Variants in RSBN1L observed in about 807,000 individuals in gnomAD.
The protein encoded by RSBN1L is round spermatid basic protein 1 like.
A neutral mutation model predicts 67.7 loss-of-function variants in RSBN1L; 30 were observed. That is an observed-to-expected ratio of 0.44 (90% CI 0.33 to 0.60). The LOEUF is 0.60. Among genes scored for constraint, RSBN1L ranks in the 20% least tolerant of loss-of-function variants. RSBN1L has a pLI of 0.02. For synonymous variants in RSBN1L, 433 were observed against 387.0 expected, an observed-to-expected ratio of 1.12 and a Z score of -1.39; for missense variants, 992 against 1,031.7, an observed-to-expected ratio of 0.96 and a Z score of 0.53.
intron 1 of RSBN1L, among the ~76,000 whole-genome samples, chr7:77,706,098 C>T (rs189217258): frequency 2.3e-4 from 34 of 148,920 alleles, no homozygotes; most frequent in African/African-American, 7.7e-4. Flanking sequence ...TTTTTTGAGA[C>T]GGAATCTTGC....
At chr7:77,762,669 G>A (rs576896906) in intron 3 of RSBN1L, among the ~76,000 whole-genome samples, 28 of 151,948 alleles carry the variant, frequency 1.8e-4, no homozygotes, top group South Asian at 4.1e-4. Context: ...TACCACCCAA[G>A]TTTTACCCAA....
chr7:77,749,398 G>C (rs1234752085), intron 2 of RSBN1L, 26 bp from the exon 3 acceptor site: 13 of 1,481,384 alleles, frequency 8.8e-6, no homozygotes, highest in African/African-American at 2.9e-5. Flanking sequence ...AAAATATGGA[G>C]TTTCAAAAAA....
chr7:77,764,728 G>T (rs956219791), intron 3 of RSBN1L, among the ~76,000 whole-genome samples: 5 of 151,676 alleles, frequency 3.3e-5, no homozygotes, highest in African/African-American at 1.2e-4. Flanking sequence ...CCAGGTTCAC[G>T]CCATTCTCCT....
intron 1 of RSBN1L, among the ~76,000 whole-genome samples, chr7:77,702,720 A>G (rs1790834937): frequency 6.6e-6 from 1 of 152,108 alleles, no homozygotes. Flanking sequence ...TAATTTTTTT[A>G]TAATTCTGGT....
chr7:77,716,388 C>T (rs965325643), intron 1 of RSBN1L, among the ~76,000 whole-genome samples: 2 of 149,578 alleles, frequency 1.3e-5, no homozygotes, highest in Admixed American at 6.7e-5. Flanking sequence ...TGTGGTGGTG[C>T]GATCATGGCT....
In RSBN1L at chr7:77,723,037, G is replaced by A. The variant is rs527596320; in HGVS notation, c.587-13373G>A. Among the ~76,000 whole-genome samples the A allele has an allele frequency of 6.8e-5, 10 of 147,304 alleles. No homozygotes were observed. The East Asian group carries it at 1.8e-3, about 26-fold the overall frequency. On this transcript the variant is annotated intron_variant, in intron 1 of 7. Transcript: ENST00000334955. ...GGCTGGAGTACAGTGGTGCAATCTC[G>A]GCTCACCACAACCTCCGCCTCCTGG...
At chr7:77,708,825 G>T (rs1253310829) in intron 1 of RSBN1L, among the ~76,000 whole-genome samples, 1 of 152,220 alleles carries the variant, frequency 6.6e-6, no homozygotes, top group Non-Finnish European at 1.5e-5. Context: ...AGATATTGAA[G>T]ACTACTGTAT....
chr7:77,777,417 A>G (rs1216486604), intron 6 of RSBN1L, among the ~76,000 whole-genome samples: 1 of 151,634 alleles, frequency 6.6e-6, no homozygotes, highest in African/African-American at 2.4e-5. Flanking sequence ...AGTCTTTGTT[A>G]TGCTGTTTTC....
At chr7:77,732,900 G>T (rs975807119) in intron 1 of RSBN1L, among the ~76,000 whole-genome samples, 21 of 152,184 alleles carry the variant, frequency 1.4e-4, no homozygotes, top group Admixed American at 1.4e-3. Context: ...AGGTTGTAGA[G>T]CATAATCTTG....
intron 2 of RSBN1L, 56 bp downstream of exon 2, chr7:77,736,582 T>C: frequency 3.2e-6 from 3 of 944,242 alleles, no homozygotes; most frequent in Non-Finnish European, 4.4e-6. Context: ...AGTATCTTTA[T>C]TGGCTAAGTG....
intron 5 of RSBN1L, among the ~76,000 whole-genome samples, chr7:77,772,649 C>T (rs1319545856): frequency 2.0e-5 from 3 of 152,222 alleles, no homozygotes; most frequent in Non-Finnish European, 4.4e-5. Flanking sequence ...ATTCTTCCCT[C>T]ACTAGACAGA....
At chr7:77,726,144 C>T (rs187893663) in intron 1 of RSBN1L, among the ~76,000 whole-genome samples, 71 of 152,264 alleles carry the variant, frequency 4.7e-4, no homozygotes, top group South Asian at 8.3e-4. Flanking sequence ...AATTCCCATA[C>T]ACCATTATTA....
chr7:77,715,856 T>C (rs956692586), intron 1 of RSBN1L, among the ~76,000 whole-genome samples: 8 of 152,208 alleles, frequency 5.3e-5, no homozygotes, highest in African/African-American at 1.4e-4. Flanking sequence ...CCCTAATGAA[T>C]AGTGATGTTG....
Position 77,711,557 on chromosome 7 carries a change from G to T in RSBN1L, c.586+14502G>T, listed in dbSNP as rs143643975. Among the ~76,000 whole-genome samples, 482 of 152,134 alleles carry T rather than the reference G, an allele frequency of 3.2e-3. 4 individuals are homozygous for T. Among genetic ancestry groups the T allele is most frequent in the African/African-American group, 0.01 (419 of 41,504 alleles). On this transcript the variant is annotated intron_variant, in intron 1 of 7. Transcript: ENST00000334955. ...GGCTTCTTGCTGTGTTGCTCAGGCT[G>T]GTCTTGAACTCCTGCGTTCCGGCAA...
rs778766783 is a variant in RSBN1L at position 77,730,860 on chromosome 7, A to G, written c.587-5550A>G. ...TTGTGGTACAGATTTTTGTGTAGAC[A>G]TAAGTTTTCAGCTCCTTTAGATAAA... On this transcript the variant is annotated intron_variant, in intron 1 of 7. Coordinates refer to ENST00000334955, the MANE Select transcript of RSBN1L (RefSeq NM_198467.3). 2.6e-5 allele frequency among the ~76,000 whole-genome samples: 4 copies of G among 152,250 alleles called. No homozygotes were observed. The East Asian group carries it at 5.8e-4, about 22-fold the overall frequency.
At position 77,779,356 on chromosome 7, in the gene RSBN1L, A is replaced by G; in HGVS notation, c.*188A>G. The G allele has an allele frequency of 2.1e-6, 1 of 478,872 alleles. No homozygotes were observed. The highest frequency in any genetic ancestry group is 3.7e-6 in the Non-Finnish European group (1 of 268,422). The allele number at this position is 478,872 out of a possible 1,614,324, so 29.7% of individuals were successfully genotyped here. On this transcript the variant is annotated 3_prime_UTR_variant, in exon 8 of 8. Transcript: ENST00000334955. The stretch of plus-strand genomic sequence containing the variant: ...AAGCACTTAGGGCCAGATGCACTGT[A>G]AACATTGCAGGTTTAAACATAAAGG...
chr7:77,708,565 G>A (rs1457733543), intron 1 of RSBN1L, among the ~76,000 whole-genome samples: 5 of 152,010 alleles, frequency 3.3e-5, no homozygotes, highest in Non-Finnish European at 7.4e-5. Context: ...TGTATTTTTA[G>A]TAGAGACGGG....
At chr7:77,718,336 C>G (rs1268427297) in intron 1 of RSBN1L, among the ~76,000 whole-genome samples, 1 of 152,188 alleles carries the variant, frequency 6.6e-6, no homozygotes, top group Non-Finnish European at 1.5e-5. Context: ...CTGAGTCTCA[C>G]TGTTGCCTAG....
At chr7:77,706,189 G>A (rs1165022729) in intron 1 of RSBN1L, among the ~76,000 whole-genome samples, 1 of 151,720 alleles carries the variant, frequency 6.6e-6, no homozygotes, top group Admixed American at 6.6e-5. Flanking sequence ...CGATTCTCCT[G>A]CCTCGGCCTC....
Sources: allele counts gnomAD v4.1 joint callset (sites outside exome capture counted in the v4.1 genomes callset), GRCh38; gene constraint gnomAD v4.1.1; transcripts MANE v1.5; gene names NCBI Gene and HGNC (gene_info 2026-07-23, HGNC 2026-07-21).